The following KDM4C variants were observed in gnomAD, a reference collection of about 807,000 sequenced individuals.
KDM4C encodes lysine demethylase 4C, also known as lysine-specific demethylase 4C.
Under a neutral mutation model 129.3 loss-of-function variants are expected in KDM4C, and 81 were observed. The ratio of observed to expected loss-of-function variants is 0.63; its 90% CI spans 0.52 to 0.75. The LOEUF is 0.75. Among genes scored for constraint, KDM4C ranks in the 30% least tolerant of loss-of-function variants. KDM4C has a pLI of 0.00. For missense variants in KDM4C, 1,457 were observed against 1,304.0 expected (o/e 1.12, Z -1.81); for synonymous variants, 573 against 456.1 (o/e 1.26, Z -3.26).
intron 1 of KDM4C, among the ~76,000 whole-genome samples, chr9:6,786,183 A>G (rs1257488530): frequency 6.6e-6 from 1 of 152,202 alleles, no homozygotes; most frequent in Non-Finnish European, 1.5e-5. Flanking sequence ...GCAATGTTGG[A>G]TAGAGTATTA....
Position 6,758,121 on chromosome 9 carries a change from T to A in KDM4C, c.-100T>A, listed in dbSNP as rs1818615741. 1 of 985,386 alleles carries A rather than the reference T, an allele frequency of 1.0e-6. No individual in the cohort carries two copies. Among genetic ancestry groups the A allele is most frequent in the African/African-American group, 1.7e-5 (1 of 57,198 alleles). 61.0% of individuals were successfully genotyped at this position (985,386 alleles called of 1,614,324 possible). A position where few individuals can be genotyped will look rare whatever the true frequency, so the allele number is the denominator to read the frequency against. On this transcript the variant is annotated 5_prime_UTR_variant, in exon 1 of 22. Coordinates refer to ENST00000381309, the MANE Select transcript of KDM4C (RefSeq NM_015061.6). The surrounding 1 kb of genome is among the most constrained non-coding windows in gnomAD (Gnocchi z 4.6). ...CTAGTGCGGAACAAGTCTCCCAAAT[T>A]TCCCAAATCTCCCTGGGCCGGAGGC...
intron 19 of KDM4C, among the ~76,000 whole-genome samples, chr9:7,155,603 C>G (rs540480883): frequency 6.6e-6 from 1 of 152,218 alleles, no homozygotes; most frequent in East Asian, 1.9e-4. Context: ...TGAGAACATG[C>G]AGTGTTTGGG....
chr9:6,880,137 A>G (rs928695106), intron 6 of KDM4C, 76 bp downstream of exon 6: 9 of 887,124 alleles, frequency 1.0e-5, no homozygotes, highest in Non-Finnish European at 1.4e-5. Context: ...TTTTTGAGGT[A>G]CTTTTTACAA....
chr9:7,145,704 G>C (rs1487955622), intron 19 of KDM4C, among the ~76,000 whole-genome samples: 1 of 152,232 alleles, frequency 6.6e-6, no homozygotes, highest in East Asian at 1.9e-4. Context: ...AGCCTTCCTA[G>C]TTCTCGATCT....
intron 2 of KDM4C, 83 bp from the exon 3 acceptor site, chr9:6,805,516 G>C (rs1829804676): frequency 1.3e-6 from 1 of 796,372 alleles, no homozygotes; most frequent in Non-Finnish European, 1.8e-6. Context: ...AAATTCTTCA[G>C]TTGTAGTTTA....
chr9:7,122,029 G>A (rs1227633515), intron 18 of KDM4C, among the ~76,000 whole-genome samples: 1 of 151,838 alleles, frequency 6.6e-6, no homozygotes, highest in Non-Finnish European at 1.5e-5. Flanking sequence ...CACCTATGTT[G>A]TGTTAGTCTA....
Position 7,000,297 on chromosome 9 carries a change from G to A in KDM4C, c.1786+9773G>A, listed in dbSNP as rs146539966. On this transcript the variant is annotated intron_variant, in intron 12 of 21. Coordinates refer to ENST00000381309, the MANE Select transcript of KDM4C (RefSeq NM_015061.6). Reference sequence around the variant, plus strand: ...GCTTGGTCAGGTTTTGATTAAATTAGAGACAAAAATGCTGGCTTTATAATT... The same window carrying A: ...GCTTGGTCAGGTTTTGATTAAATTAAAGACAAAAATGCTGGCTTTATAATT... 2.3e-3 allele frequency among the ~76,000 whole-genome samples: 357 copies of A among 152,196 alleles called. 4 individuals are homozygous for A. The highest frequency in any genetic ancestry group is 8.2e-3 in the African/African-American group (340 of 41,534).
upstream of KDM4C, among the ~76,000 whole-genome samples, chr9:6,757,275 G>C (rs933169690): frequency 6.6e-6 from 1 of 151,446 alleles, no homozygotes; most frequent in Non-Finnish European, 1.5e-5. Flanking sequence ...CTGAGGGACC[G>C]CCAGCCCAGG....
At chr9:7,011,902 T>C in intron 13 of KDM4C, 23 bp downstream of exon 13, 1 of 1,590,536 alleles carries the variant, frequency 6.3e-7, no homozygotes, top group East Asian at 2.2e-5. Flanking sequence ...GCTATCATAG[T>C]TCCCTTCACT....
At chr9:6,779,522 C>G (rs1003965727) in intron 1 of KDM4C, among the ~76,000 whole-genome samples, 1 of 152,168 alleles carries the variant, frequency 6.6e-6, no homozygotes, top group East Asian at 1.9e-4. Flanking sequence ...CAACTTCCTG[C>G]TCCCCAGATC....
chr9:6,966,400 GA>G (rs1359195225), intron 8 of KDM4C, among the ~76,000 whole-genome samples: 2 of 152,020 alleles, frequency 1.3e-5, no homozygotes, highest in African/African-American at 4.8e-5. Context: ...TTGATCTCCT[GA>G]CCTCGTGATC....
intron 15 of KDM4C, among the ~76,000 whole-genome samples, chr9:7,019,709 ATATAAAAATATAATAT>A (rs1563992808): frequency 1.4e-4 from 15 of 103,524 alleles, no homozygotes; most frequent in African/African-American, 6.4e-4. Flanking sequence ...ATATTTTTAT[ATATAAAAATATAATAT>A]TTTTATATAT....
chr9:7,137,092 C>G (rs556145145), intron 19 of KDM4C, among the ~76,000 whole-genome samples: 6 of 152,194 alleles, frequency 3.9e-5, no homozygotes, highest in African/African-American at 1.4e-4. Context: ...ACCACTGGTT[C>G]AGGTGAAGTC....
At chr9:7,038,137 G>A (rs1050128543) in intron 15 of KDM4C, among the ~76,000 whole-genome samples, 5 of 151,984 alleles carry the variant, frequency 3.3e-5, no homozygotes, top group Non-Finnish European at 7.4e-5. Context: ...AAAGAAAATA[G>A]AAAAAAGATA....
intron 1 of KDM4C, among the ~76,000 whole-genome samples, chr9:6,771,467 A>G (rs1821831051): frequency 6.6e-6 from 1 of 151,288 alleles, no homozygotes; most frequent in South Asian, 2.1e-4. Context: ...ATGCGCCACC[A>G]TGCCCTGCTA....
At chr9:7,081,568 G>A (rs976702312) in intron 17 of KDM4C, among the ~76,000 whole-genome samples, 3 of 152,206 alleles carry the variant, frequency 2.0e-5, no homozygotes, top group African/African-American at 7.2e-5. Flanking sequence ...GTCTCCAGTA[G>A]TGTGTTCCTG....
At chr9:6,774,555 C>T (rs1167886802) in intron 1 of KDM4C, among the ~76,000 whole-genome samples, 1 of 152,074 alleles carries the variant, frequency 6.6e-6, no homozygotes, top group Non-Finnish European at 1.5e-5. Context: ...ATCCCAGCTA[C>T]TTGGGAGGCT....
At chr9:7,051,382 T>C (rs772572103) in intron 17 of KDM4C, among the ~76,000 whole-genome samples, 3 of 152,176 alleles carry the variant, frequency 2.0e-5, no homozygotes, top group African/African-American at 4.8e-5. Context: ...TCTTCATTGA[T>C]GTTCCATGGT....
chr9:6,763,048 G>T (rs1002060200), intron 1 of KDM4C, among the ~76,000 whole-genome samples: 13 of 152,052 alleles, frequency 8.5e-5, no homozygotes, highest in Middle Eastern at 6.8e-3. Context: ...GGGGATGGAT[G>T]GGGGGTAGAG....
Sources: allele counts gnomAD v4.1 joint callset (sites outside exome capture counted in the v4.1 genomes callset), GRCh38; gene constraint gnomAD v4.1.1; non-coding constraint Gnocchi (gnomAD v3.1); transcripts MANE v1.5; gene names NCBI Gene and HGNC (gene_info 2026-07-23, HGNC 2026-07-21).